Variants in CWF19L2 observed in about 807,000 individuals in gnomAD.
CWF19L2 encodes the protein CWF19 like cell cycle control factor 2, also known as CWF19-like protein 2.
CWF19L2 carries 98 observed loss-of-function variants against 111.7 expected under a neutral mutation model. The ratio of observed to expected loss-of-function variants is 0.88; its 90% CI spans 0.75 to 1.04. The LOEUF is 1.04. Among genes scored for constraint, CWF19L2 ranks in the 50% least tolerant of loss-of-function variants. The pLI, the probability that CWF19L2 is intolerant of heterozygous loss-of-function variation, is 0.00. For missense variants in CWF19L2, 1,101 were observed against 1,051.4 expected, an observed-to-expected ratio of 1.05 and a Z score of -0.65; for synonymous variants, 351 against 342.9, an observed-to-expected ratio of 1.02 and a Z score of -0.26.
chr11:107,358,379 A>C (rs1860270699), intron 12 of CWF19L2, among the ~76,000 whole-genome samples: 1 of 151,772 alleles, frequency 6.6e-6, no homozygotes, highest in South Asian at 2.1e-4. Context: ...AGCTCGTAAT[A>C]TTTGAAGAAA....
At chr11:107,343,850 C>T (rs79500969) in intron 14 of CWF19L2, among the ~76,000 whole-genome samples, 2,869 of 152,210 alleles carry the variant, frequency 0.019, 139 homozygotes, top group East Asian at 0.093. Flanking sequence ...CCCCTTACTT[C>T]CCTTTATGTC....
chr11:107,380,536 T>C (rs755927267), intron 12 of CWF19L2, among the ~76,000 whole-genome samples: 2 of 152,148 alleles, frequency 1.3e-5, no homozygotes, highest in Non-Finnish European at 2.9e-5. Flanking sequence ...ACACCAAGGA[T>C]AGCTTTTACA....
chr11:107,367,319 A>T (rs1276382735), intron 12 of CWF19L2, among the ~76,000 whole-genome samples: 1 of 133,238 alleles, frequency 7.5e-6, no homozygotes, highest in Admixed American at 7.4e-5. Context: ...CAGCCATCCC[A>T]TTACTGGGTA....
intron 12 of CWF19L2, among the ~76,000 whole-genome samples, chr11:107,369,423 A>C (rs1860477920): frequency 7.3e-6 from 1 of 137,524 alleles, no homozygotes; most frequent in African/African-American, 2.9e-5. Flanking sequence ...TACAATCCAT[A>C]AACATTTGAC....
At chr11:107,439,054 A>AC in intron 6 of CWF19L2, 36 bp downstream of exon 6, 2 of 978,746 alleles carry the variant, frequency 2.0e-6, no homozygotes, top group Non-Finnish European at 1.5e-6. Context: ...AAAAAAAAAA[A>AC]AACCCTGTGT....
intron 11 of CWF19L2, among the ~76,000 whole-genome samples, chr11:107,392,276 T>C (rs1860859895): frequency 6.6e-6 from 1 of 152,232 alleles, no homozygotes; most frequent in African/African-American, 2.4e-5. Context: ...CTGAATATGT[T>C]GTTTTTGCCA....
At chr11:107,450,792 G>A (rs530860399) in intron 3 of CWF19L2, among the ~76,000 whole-genome samples, 34 of 152,146 alleles carry the variant, frequency 2.2e-4, no homozygotes, top group African/African-American at 7.2e-4. Context: ...CGAAAACTTC[G>A]TAACAACAGT....
At chr11:107,357,718 CATT>C (rs1860259322) in intron 12 of CWF19L2, among the ~76,000 whole-genome samples, 1 of 152,184 alleles carries the variant, frequency 6.6e-6, no homozygotes, top group Non-Finnish European at 1.5e-5. Context: ...CATTTTTACT[CATT>C]ATCTTTTCTT....
intron 12 of CWF19L2, among the ~76,000 whole-genome samples, chr11:107,384,180 G>T (rs1191039235): frequency 1.3e-5 from 2 of 152,118 alleles, no homozygotes; most frequent in Admixed American, 6.5e-5. Context: ...TTTTCCCAAG[G>T]CCCAAGATCC....
chr11:107,327,148 A>C, intron 17 of CWF19L2, 95 bp from the exon 18 acceptor site: 1 of 1,193,730 alleles, frequency 8.4e-7, no homozygotes, highest in Middle Eastern at 2.2e-4. Context: ...AAAATATAAC[A>C]AGTTCTTCTC....
rs1861423516 is a variant in CWF19L2 at position 107,429,089 on chromosome 11, G to A, written c.1143C>T (p.Ser381=). ...TAAGTGGTTCAAATTTTCTGCCCTT[G>A]CTGTGAAATGACAGTTCTTCATCAT... ...PSDDEELSFH[S]KGRKFEPLSS... Residue 381 remains serine, a synonymous_variant, in exon 8 of 18, where the codon AGC becomes AGT. Transcript: ENST00000282251. 2 of 1,613,724 alleles carry A rather than the reference G, an allele frequency of 1.2e-6. No individual in the cohort carries two copies. Among genetic ancestry groups the A allele is most frequent in the Non-Finnish European group, 1.7e-6 (2 of 1,179,778 alleles).
intron 10 of CWF19L2, among the ~76,000 whole-genome samples, chr11:107,410,994 G>A (rs1052353888): frequency 2.0e-5 from 3 of 152,010 alleles, no homozygotes; most frequent in Admixed American, 6.6e-5. Context: ...TTATTTGGTA[G>A]GGTCAGCAAA....
At chr11:107,424,161 C>T (rs1426596372) in intron 8 of CWF19L2, among the ~76,000 whole-genome samples, 2 of 149,936 alleles carry the variant, frequency 1.3e-5, no homozygotes, top group Non-Finnish European at 3.0e-5. Flanking sequence ...TTGTCACCCA[C>T]AATCTGTAGC....
chr11:107,443,281 G>A (rs2135423062), intron 3 of CWF19L2, among the ~76,000 whole-genome samples: 1 of 152,184 alleles, frequency 6.6e-6, no homozygotes, highest in Middle Eastern at 3.4e-3. Context: ...AGGAGTACAA[G>A]ACCAGCCTGG....
Position 107,336,730 on chromosome 11 carries a change from ACTAGGT to A in CWF19L2, c.2203-23_2203-18del. The A allele has an allele frequency of 6.0e-6, 8 of 1,342,138 alleles. No individual in the cohort carries two copies. Among genetic ancestry groups the A allele is most frequent in the Non-Finnish European group, 8.1e-6 (8 of 990,146 alleles). 83.1% of individuals were successfully genotyped at this position (1,342,138 alleles called of 1,614,324 possible). ...TCTGAACATCTAAAAAAAAAAAAGA[ACTAGGT>A]AAAGAAAACACTTAAAGGAGATTCA... On this transcript the variant is annotated intron_variant, in intron 14 of 17. Coordinates refer to ENST00000282251, the MANE Select transcript of CWF19L2 (RefSeq NM_152434.3).
At chr11:107,434,055 C>T (rs995890462) in intron 6 of CWF19L2, among the ~76,000 whole-genome samples, 6 of 150,022 alleles carry the variant, frequency 4.0e-5, no homozygotes, top group African/African-American at 1.5e-4. Flanking sequence ...ATAATGTGAC[C>T]GCTACTATAA....
intron 10 of CWF19L2, among the ~76,000 whole-genome samples, chr11:107,415,966 G>A (rs371827126): frequency 2.0e-5 from 3 of 151,900 alleles, no homozygotes; most frequent in Admixed American, 6.6e-5. Context: ...GCATGGTGGC[G>A]CACACCTGTA....
chr11:107,454,676 A>G (rs1178328368), intron 2 of CWF19L2, 104 bp from the exon 3 acceptor site: 4 of 751,202 alleles, frequency 5.3e-6, no homozygotes, highest in Non-Finnish European at 7.3e-6. Flanking sequence ...AAAACTTTCA[A>G]TCTCTGATGA....
At chr11:107,364,586 C>T (rs1194578948) in intron 12 of CWF19L2, among the ~76,000 whole-genome samples, 2 of 138,944 alleles carry the variant, frequency 1.4e-5, no homozygotes, top group Admixed American at 7.0e-5. Context: ...GGGTACATAA[C>T]GAAATGAAAG....
Sources: gnomAD v4.1 joint callset for allele counts (sites outside exome capture counted in the v4.1 genomes callset) on GRCh38, gnomAD v4.1.1 for gene constraint, MANE v1.5 for transcripts, NCBI Gene and HGNC (gene_info 2026-07-23, HGNC 2026-07-21) for gene names.